The following CCNH variants were observed in gnomAD, a reference collection of about 807,000 sequenced individuals.
The protein encoded by CCNH is cyclin-H.
In CCNH, 31 loss-of-function variants were observed where a neutral mutation model predicts 41.9. The observed-to-expected ratio is 0.74, with a 90% CI of 0.56 to 1.00. The LOEUF (loss-of-function observed/expected upper bound fraction) is 1.00. Ranked by LOEUF, CCNH falls within the 50% of genes least tolerant of loss-of-function variation. The pLI, the probability that CCNH is intolerant of heterozygous loss-of-function variation, is 0.00. For synonymous variants in CCNH, 138 were observed against 136.1 expected (o/e 1.01, Z -0.10); for missense variants, 362 against 388.4 (o/e 0.93, Z 0.57).
downstream of CCNH, among the ~76,000 whole-genome samples, chr5:87,317,670 C>G (rs1383002501): frequency 6.7e-6 from 1 of 148,266 alleles, no homozygotes; most frequent in African/African-American, 2.5e-5. Context: ...GAATCTTGCT[C>G]TGTTGCCCAG....
downstream of CCNH, chr5:87,374,938 C>T (rs1561320926): frequency 6.3e-7 from 1 of 1,592,060 alleles, no homozygotes; most frequent in Admixed American, 1.7e-5. Context: ...CAGAAACTTT[C>T]TAAAATAGAA....
chr5:87,346,292 G>C (rs1758854241), intron 9 of CCNH, among the ~76,000 whole-genome samples: 1 of 151,838 alleles, frequency 6.6e-6, no homozygotes, highest in African/African-American at 2.4e-5. Flanking sequence ...GGAAAATTCA[G>C]AAATGAATTC....
At chr5:87,387,430 A>G (rs2112518963), downstream of CCNH, among the ~76,000 whole-genome samples, 1 of 152,316 alleles carries the variant, frequency 6.6e-6, no homozygotes, top group African/African-American at 2.4e-5. Context: ...ATTACGAATG[A>G]GGGTATTTTA....
chr5:87,402,947 A>G (rs562608985), intron 5 of CCNH, among the ~76,000 whole-genome samples: 2 of 152,312 alleles, frequency 1.3e-5, no homozygotes, highest in East Asian at 3.9e-4. Flanking sequence ...ATTTGAACTT[A>G]TAATATTGTG....
At chr5:87,353,519 AC>A (rs1217754339) in intron 9 of CCNH, among the ~76,000 whole-genome samples, 1 of 152,054 alleles carries the variant, frequency 6.6e-6, no homozygotes, top group East Asian at 1.9e-4. Flanking sequence ...AAAAGTAGAG[AC>A]AGCAGGGATA....
In CCNH at chr5:87,412,922, T is replaced by G. The variant is rs1764391828; in HGVS notation, c.-128A>C. 1 of 1,463,254 alleles carries G rather than the reference T, an allele frequency of 6.8e-7. No individual in the cohort carries two copies. The highest frequency in any genetic ancestry group is 1.4e-5 in the South Asian group (1 of 73,404). 90.6% of individuals were successfully genotyped at this position (1,463,254 alleles called of 1,614,324 possible). On this transcript the variant is annotated 5_prime_UTR_variant, in exon 1 of 9. Transcript: ENST00000256897. The stretch of plus-strand genomic sequence containing the variant: ...CCTAGGGCGTCCGGCTAGCCGGCGC[T>G]GGCGCGCTGTCGTCACGATTACGCG...
intron 9 of CCNH, among the ~76,000 whole-genome samples, chr5:87,325,728 TTGA>T (rs1757183007): frequency 6.6e-6 from 1 of 152,214 alleles, no homozygotes; most frequent in African/African-American, 2.4e-5. Context: ...AGGAACTCTA[TTGA>T]TGTTAGCACT....
chr5:87,354,856 C>T (rs528552077), intron 9 of CCNH, among the ~76,000 whole-genome samples: 12 of 152,246 alleles, frequency 7.9e-5, no homozygotes, highest in East Asian at 1.9e-4. Context: ...ACCCTTATTG[C>T]TGATATAGAG....
chr5:87,386,951 T>C (rs765965088), downstream of CCNH: 46 of 1,471,718 alleles, frequency 3.1e-5, no homozygotes, highest in Non-Finnish European at 3.7e-5. Context: ...CTAGTTGATA[T>C]AGCTGAGTTA....
At chr5:87,322,039 A>G (rs1756856306) in intron 9 of CCNH, among the ~76,000 whole-genome samples, 1 of 152,178 alleles carries the variant, frequency 6.6e-6, no homozygotes, top group South Asian at 2.1e-4. Flanking sequence ...CTCGTATTTA[A>G]TGAGACCTCC....
intron 9 of CCNH, among the ~76,000 whole-genome samples, chr5:87,325,822 A>G (rs576629711): frequency 1.7e-4 from 26 of 152,324 alleles, no homozygotes; most frequent in African/African-American, 6.0e-4. Flanking sequence ...TATAGTTTCA[A>G]TGAAATGCCT....
chr5:87,316,812 T>C (rs1466565888), downstream of CCNH, among the ~76,000 whole-genome samples: 1 of 152,172 alleles, frequency 6.6e-6, no homozygotes, highest in Non-Finnish European at 1.5e-5. Flanking sequence ...GCTTTGGAAA[T>C]TAAAGCGGCT....
intron 9 of CCNH, chr5:87,333,388 G>T: frequency 6.2e-7 from 1 of 1,603,048 alleles, no homozygotes; most frequent in Non-Finnish European, 8.5e-7. Flanking sequence ...GCTAGACTTC[G>T]AAGATTTATT....
chr5:87,372,058 A>G, downstream of CCNH: 1 of 1,455,504 alleles, frequency 6.9e-7, no homozygotes, highest in Non-Finnish European at 9.4e-7. Flanking sequence ...AACCTAACTG[A>G]TGATTTGGAA....
chr5:87,399,280 T>C (rs1580444690), intron 7 of CCNH, 114 bp downstream of exon 7: 2 of 752,714 alleles, frequency 2.7e-6, no homozygotes, highest in East Asian at 4.9e-5. Context: ...GAAAATCTGA[T>C]TTTATGGATC....
rs765633183 is a variant in CCNH, at chr5:87,404,831, A to G, written c.689+13T>C. 9.5e-6 allele frequency: 15 copies of G among 1,581,456 alleles called. 1 individual carries two copies. The highest frequency in any genetic ancestry group is 9.4e-5 in the South Asian group (8 of 85,488). ...TGACTGAATTTGACCTAAGTTAAAA[A>G]ACTAATTAATACCTTTCCATAGTAA... On this transcript the variant is annotated intron_variant, in intron 5 of 8. Transcript: ENST00000256897.
intron 9 of CCNH, among the ~76,000 whole-genome samples, chr5:87,336,958 A>G (rs933908824): frequency 6.6e-6 from 1 of 152,090 alleles, no homozygotes; most frequent in Non-Finnish European, 1.5e-5. Context: ...CCAAGATACA[A>G]TGAAGCTTGA....
chr5:87,401,476 A>G (rs1763406427), intron 6 of CCNH, among the ~76,000 whole-genome samples: 1 of 152,084 alleles, frequency 6.6e-6, no homozygotes, highest in African/African-American at 2.4e-5. Flanking sequence ...ATCTGACTCT[A>G]TTTTCACTCT....
chr5:87,379,278 G>A (rs1761539294), upstream of CCNH, among the ~76,000 whole-genome samples: 1 of 152,134 alleles, frequency 6.6e-6, no homozygotes, highest in Non-Finnish European at 1.5e-5. Flanking sequence ...AAGTGCAGCA[G>A]GTAGGTAGGG....
Sources: allele counts gnomAD v4.1 joint callset (sites outside exome capture counted in the v4.1 genomes callset), GRCh38; gene constraint gnomAD v4.1.1; transcripts MANE v1.5; gene names NCBI Gene and HGNC (gene_info 2026-07-23, HGNC 2026-07-21).